BARX2: variants seen among roughly 807,000 people sequenced by gnomAD.
BARX2 encodes the protein BARX homeobox 2.
A neutral mutation model predicts 25.5 loss-of-function variants in BARX2; 11 were observed. The ratio of observed to expected loss-of-function variants is 0.43; its 90% CI spans 0.27 to 0.71. The LOEUF is 0.71. Among genes scored for constraint, BARX2 ranks in the 30% least tolerant of loss-of-function variants. BARX2 has a pLI of 0.19. For missense variants in BARX2, 360 were observed against 359.9 expected (o/e 1.00, Z 0.00); for synonymous variants, 137 against 149.5 (o/e 0.92, Z 0.61).
At chr11:129,450,607 G>A (rs187501178) in intron 3 of BARX2, among the ~76,000 whole-genome samples, 111 of 152,226 alleles carry the variant, frequency 7.3e-4, no homozygotes, top group African/African-American at 2.6e-3. Flanking sequence ...AACCAATATT[G>A]TGATGAATAT....
chr11:129,422,931 G>A (rs143827897), intron 1 of BARX2, among the ~76,000 whole-genome samples: 7 of 151,522 alleles, frequency 4.6e-5, no homozygotes, highest in East Asian at 3.9e-4. Context: ...TCAGACTCCC[G>A]ACCTCAGATG....
chr11:129,434,509 C>T (rs1225630882), intron 1 of BARX2, among the ~76,000 whole-genome samples: 3 of 150,860 alleles, frequency 2.0e-5, no homozygotes, highest in East Asian at 2.0e-4. Flanking sequence ...AAGCAGTCCT[C>T]CAGCCTCAGC....
At chr11:129,388,318 G>A in intron 1 of BARX2, among the ~76,000 whole-genome samples, 1 of 152,062 alleles carries the variant, frequency 6.6e-6, no homozygotes, top group African/African-American at 2.4e-5. Context: ...GGGAAGGGAG[G>A]TGATTGGGAG....
chr11:129,422,911 C>T (rs1404440409), intron 1 of BARX2, among the ~76,000 whole-genome samples: 1 of 150,778 alleles, frequency 6.6e-6, no homozygotes, highest in Non-Finnish European at 1.5e-5. Context: ...CCATGTTGGC[C>T]AGGCTGGTCT....
rs191601511 is a variant in BARX2 at position 129,386,594 on chromosome 11, G to T, written c.187+10372G>T. ...CAGAGATGTCTGTTACCAGCAATCA[G>T]TGGGCATCCTATTGTTTGGAGGAGT... On this transcript the variant is annotated intron_variant, in intron 1 of 3. Transcript: ENST00000281437. 1.2e-3 allele frequency among the ~76,000 whole-genome samples: 190 copies of T among 152,326 alleles called. 1 individual carries two copies. Among genetic ancestry groups the T allele is most frequent in the African/African-American group, 4.4e-3 (183 of 41,578 alleles).
intron 1 of BARX2, among the ~76,000 whole-genome samples, chr11:129,400,441 A>G (rs2135392639): frequency 6.6e-6 from 1 of 152,304 alleles, no homozygotes; most frequent in East Asian, 1.9e-4. Flanking sequence ...AACCAGGAGA[A>G]CGAGACTTCT....
At chr11:129,383,482 ACT>A (rs1861588315) in intron 1 of BARX2, among the ~76,000 whole-genome samples, 1 of 152,228 alleles carries the variant, frequency 6.6e-6, no homozygotes, top group Admixed American at 6.5e-5. Context: ...CTAAGGAGAG[ACT>A]CTGGTTTCTT....
intron 1 of BARX2, among the ~76,000 whole-genome samples, chr11:129,395,704 G>C (rs534279594): frequency 6.6e-6 from 1 of 152,218 alleles, no homozygotes; most frequent in Admixed American, 6.5e-5. Flanking sequence ...CTGGGGGTGG[G>C]TTTTGACTGT....
intron 1 of BARX2, among the ~76,000 whole-genome samples, chr11:129,406,686 C>T (rs1861833850): frequency 6.6e-6 from 1 of 152,306 alleles, no homozygotes; most frequent in Admixed American, 6.5e-5. Context: ...CCTGGGCTAA[C>T]CAGCCTCAAC....
chr11:129,446,801 T>C (rs1277281389), intron 3 of BARX2, among the ~76,000 whole-genome samples: 3 of 152,122 alleles, frequency 2.0e-5, no homozygotes, highest in Non-Finnish European at 1.5e-5. Context: ...AGTCAGCTAA[T>C]GGGAGCAGCA....
chr11:129,385,702 T>C (rs1861610849), intron 1 of BARX2, among the ~76,000 whole-genome samples: 1 of 152,216 alleles, frequency 6.6e-6, no homozygotes, highest in South Asian at 2.1e-4. Context: ...AAAGGCCTAA[T>C]GTAAATATGG....
chr11:129,447,659 G>A (rs1332636524), intron 3 of BARX2, among the ~76,000 whole-genome samples: 4 of 152,130 alleles, frequency 2.6e-5, no homozygotes, highest in Non-Finnish European at 4.4e-5. Context: ...TTAGAAAATG[G>A]TCTAATTGTT....
intron 1 of BARX2, among the ~76,000 whole-genome samples, chr11:129,413,789 C>T (rs182173091): frequency 2.9e-4 from 44 of 152,156 alleles, no homozygotes; most frequent in Non-Finnish European, 4.1e-4. Context: ...GTAGGCCGGG[C>T]GCAGTGGCTC....
At chr11:129,391,837 A>G (rs1167228063) in intron 1 of BARX2, among the ~76,000 whole-genome samples, 2 of 152,182 alleles carry the variant, frequency 1.3e-5, no homozygotes, top group East Asian at 3.8e-4. Context: ...CGGTTTTCCC[A>G]GGGGGAATCT....
At chr11:129,380,784 G>C (rs890008569) in intron 1 of BARX2, among the ~76,000 whole-genome samples, 3 of 151,232 alleles carry the variant, frequency 2.0e-5, no homozygotes, top group East Asian at 2.0e-4. Context: ...TCTTTTGCTA[G>C]AGATACCAAG....
At chr11:129,410,936 CAGTAT>C (rs1248090743) in intron 1 of BARX2, among the ~76,000 whole-genome samples, 1 of 152,198 alleles carries the variant, frequency 6.6e-6, no homozygotes, top group Non-Finnish European at 1.5e-5. Flanking sequence ...GGTGCAGCCA[CAGTAT>C]AGCCAAGCCC....
intron 1 of BARX2, among the ~76,000 whole-genome samples, chr11:129,429,007 GTTT>G (rs57076671): frequency 7.7e-6 from 1 of 130,688 alleles, no homozygotes; most frequent in African/African-American, 2.7e-5. Flanking sequence ...TAGAAGTTGT[GTTT>G]TTTTTTTTTT....
In BARX2 at chr11:129,451,549, G is replaced by A; in HGVS notation, c.*147G>A. 1.1e-6 allele frequency: 1 copy of A among 935,134 alleles called. No homozygotes were observed. The highest frequency in any genetic ancestry group is 1.6e-6 in the Non-Finnish European group (1 of 637,106). The allele number at this position is 935,134 out of a possible 1,614,324, so 57.9% of individuals were successfully genotyped here. On this transcript the variant is annotated 3_prime_UTR_variant, in exon 4 of 4. Transcript: ENST00000281437. ...CTCCCTCCCTCCCACAGTTACCATT[G>A]GCCTTGTCATCGCAAGCATTTGACA...
intron 1 of BARX2, among the ~76,000 whole-genome samples, chr11:129,388,429 A>C (rs1358725393): frequency 1.3e-5 from 2 of 152,184 alleles, no homozygotes; most frequent in Admixed American, 1.3e-4. Flanking sequence ...TCTCTGGGTC[A>C]CGGTGCTTCC....
Sources: gnomAD v4.1 joint callset for allele counts (sites outside exome capture counted in the v4.1 genomes callset) on GRCh38, gnomAD v4.1.1 for gene constraint, MANE v1.5 for transcripts, NCBI Gene and HGNC (gene_info 2026-07-23, HGNC 2026-07-21) for gene names.